MACROD1: variants seen among roughly 807,000 people sequenced by gnomAD.
MACROD1 encodes the protein mono-ADP ribosylhydrolase 1.
A neutral mutation model predicts 41.4 loss-of-function variants in MACROD1; 31 were observed. The ratio of observed to expected loss-of-function variants is 0.75; its 90% CI spans 0.56 to 1.01. MACROD1 has a LOEUF of 1.01. Ranked by LOEUF, MACROD1 falls within the 50% of genes least tolerant of loss-of-function variation. The pLI, the probability that MACROD1 is intolerant of heterozygous loss-of-function variation, is 0.00. For missense variants in MACROD1, 473 were observed against 460.0 expected, an observed-to-expected ratio of 1.03 and a Z score of -0.26; for synonymous variants, 252 against 203.4, an observed-to-expected ratio of 1.24 and a Z score of -2.03.
At chr11:64,056,889 G>A (rs2134425883) in intron 3 of MACROD1, among the ~76,000 whole-genome samples, 1 of 152,284 alleles carries the variant, frequency 6.6e-6, no homozygotes, top group South Asian at 2.1e-4. Context: ...AAGGTACCAG[G>A]GTCGGAGCTG....
At chr11:64,001,918 A>C in intron 4 of MACROD1, 1 of 617,016 alleles carries the variant, frequency 1.6e-6, no homozygotes. Flanking sequence ...ATATCATTTA[A>C]CCTCTCTGGG....
chr11:64,071,239 C>G (rs540799478), intron 3 of MACROD1, among the ~76,000 whole-genome samples: 11 of 151,944 alleles, frequency 7.2e-5, no homozygotes, highest in Non-Finnish European at 1.3e-4. Context: ...CTGTCAGGTA[C>G]CTCTCTCTCT....
At chr11:64,089,939 C>G (rs934840928) in intron 3 of MACROD1, among the ~76,000 whole-genome samples, 1 of 152,176 alleles carries the variant, frequency 6.6e-6, no homozygotes, top group African/African-American at 2.4e-5. Flanking sequence ...GTTTGCCCCC[C>G]ACGCCCTGTA....
At chr11:64,116,025 C>T (rs926962201) in intron 3 of MACROD1, among the ~76,000 whole-genome samples, 2 of 152,184 alleles carry the variant, frequency 1.3e-5, no homozygotes, top group Admixed American at 6.5e-5. Flanking sequence ...TGTTAGAGTC[C>T]GACCTCGGCG....
At chr11:64,108,849 G>A (rs887495607) in intron 3 of MACROD1, among the ~76,000 whole-genome samples, 26 of 152,290 alleles carry the variant, frequency 1.7e-4, no homozygotes, top group African/African-American at 6.3e-4. Context: ...AAAAGCCAAA[G>A]GACCCCAGGG....
At chr11:64,127,863 G>C (rs116711818) in intron 3 of MACROD1, among the ~76,000 whole-genome samples, 234 of 152,278 alleles carry the variant, frequency 1.5e-3, no homozygotes, top group African/African-American at 5.3e-3. Flanking sequence ...CAGCTCTGGA[G>C]CCTCATCTGC....
chr11:64,063,758 G>A (rs561758982), intron 3 of MACROD1, among the ~76,000 whole-genome samples: 38 of 152,312 alleles, frequency 2.5e-4, no homozygotes, highest in African/African-American at 8.4e-4. Context: ...GTCCTCGCCC[G>A]GCTGTCAGCC....
intron 3 of MACROD1, among the ~76,000 whole-genome samples, chr11:64,109,599 C>T (rs891207437): frequency 6.6e-6 from 1 of 152,132 alleles, no homozygotes; most frequent in African/African-American, 2.4e-5. Context: ...CACTGGATGA[C>T]CTGGTGACGA....
chr11:64,165,449 T>C (rs1945824478), intron 1 of MACROD1, among the ~76,000 whole-genome samples: 1 of 152,114 alleles, frequency 6.6e-6, no homozygotes, highest in African/African-American at 2.4e-5. Flanking sequence ...AAGGCCGCCT[T>C]CCTCACGCTG....
intron 4 of MACROD1, among the ~76,000 whole-genome samples, chr11:64,005,338 T>C (rs1242473896): frequency 6.6e-6 from 1 of 152,212 alleles, no homozygotes; most frequent in African/African-American, 2.4e-5. Context: ...AAGACCCACA[T>C]TATTAACCCT....
chr11:64,114,785 G>A (rs1456835609), intron 3 of MACROD1, among the ~76,000 whole-genome samples: 1 of 152,174 alleles, frequency 6.6e-6, no homozygotes, highest in African/African-American at 2.4e-5. Flanking sequence ...ATGTACAGGT[G>A]GATGGATGGT....
At chr11:64,045,789 CAATAAT>C (rs959935368) in intron 3 of MACROD1, among the ~76,000 whole-genome samples, 1 of 152,146 alleles carries the variant, frequency 6.6e-6, no homozygotes, top group Non-Finnish European at 1.5e-5. Context: ...TCAGAACTAA[CAATAAT>C]AGTAATAACA....
chr11:64,125,400 C>T (rs1227852580), intron 3 of MACROD1, among the ~76,000 whole-genome samples: 1 of 152,176 alleles, frequency 6.6e-6, no homozygotes, highest in Non-Finnish European at 1.5e-5. Flanking sequence ...CACTGGGGCC[C>T]AGCACAGTGC....
chr11:64,154,556 A>G (rs1162917366), intron 1 of MACROD1, among the ~76,000 whole-genome samples: 3 of 151,998 alleles, frequency 2.0e-5, no homozygotes, highest in Admixed American at 1.3e-4. Flanking sequence ...CCTCTGTTCA[A>G]AACTGCATTC....
At chr11:64,053,753 C>T (rs1294019451) in intron 3 of MACROD1, among the ~76,000 whole-genome samples, 1 of 152,126 alleles carries the variant, frequency 6.6e-6, no homozygotes, top group Non-Finnish European at 1.5e-5. Context: ...GACTGCTGGG[C>T]CTTGGTTGTT....
chr11:64,102,544 G>A (rs1393069467), intron 3 of MACROD1, among the ~76,000 whole-genome samples: 1 of 152,228 alleles, frequency 6.6e-6, no homozygotes, highest in Non-Finnish European at 1.5e-5. Flanking sequence ...AAGAGCAGGT[G>A]CCGGGGGAAT....
At chr11:64,137,806 A>C (rs553154480) in intron 3 of MACROD1, among the ~76,000 whole-genome samples, 1 of 152,344 alleles carries the variant, frequency 6.6e-6, no homozygotes, top group South Asian at 2.1e-4. Context: ...CAGGCCGCAG[A>C]GTTCCAGGTG....
intron 3 of MACROD1, among the ~76,000 whole-genome samples, chr11:64,126,336 G>A (rs1467305043): frequency 6.6e-6 from 1 of 152,158 alleles, no homozygotes; most frequent in Non-Finnish European, 1.5e-5. Flanking sequence ...CCAAGAGTGA[G>A]AGAAGTGGGG....
Position 64,111,243 on chromosome 11 carries a change from G to A in MACROD1, c.517+39996C>T, listed in dbSNP as rs528283239. 3.9e-5 allele frequency among the ~76,000 whole-genome samples: 6 copies of A among 152,360 alleles called. No individual in the cohort carries two copies. The East Asian group carries it at 1.2e-3, about 29-fold the overall frequency. The stretch of plus-strand genomic sequence containing the variant: ...CCTACTTAGGGCACTGCTCAGAACA[G>A]CTGAGTACAAAGGCCACCTGTATCC... On this transcript the variant is annotated intron_variant, in intron 3 of 10. Coordinates refer to ENST00000255681, the MANE Select transcript of MACROD1 (RefSeq NM_014067.4).
Sources: allele counts gnomAD v4.1 joint callset (sites outside exome capture counted in the v4.1 genomes callset), GRCh38; gene constraint gnomAD v4.1.1; transcripts MANE v1.5; gene names NCBI Gene and HGNC (gene_info 2026-07-23, HGNC 2026-07-21).